PITPNA: variants seen among roughly 807,000 people sequenced by gnomAD.
PITPNA encodes the protein phosphatidylinositol transfer protein alpha.
PITPNA carries 13 observed loss-of-function variants against 50.3 expected under a neutral mutation model. The observed-to-expected ratio is 0.26, with a 90% CI of 0.17 to 0.41. The LOEUF is 0.41. Ranked by LOEUF, PITPNA falls within the 10% of genes least tolerant of loss-of-function variation. PITPNA has a pLI of 1.00. For synonymous variants in PITPNA, 120 were observed against 119.6 expected, an observed-to-expected ratio of 1.00 and a Z score of -0.02; for missense variants, 207 against 333.4, an observed-to-expected ratio of 0.62 and a Z score of 2.95.
rs549265109 is a variant in PITPNA at position 1,530,108 on chromosome 17, A to G, written c.768+3991T>C. ...TTAGCATACGTGATAGGCACACAGG[A>G]AGTCCTCAATAAATGTTAGCTTCTA... On this transcript the variant is annotated intron_variant, in intron 10 of 11. Transcript: ENST00000313486. Among the ~76,000 whole-genome samples the G allele has an allele frequency of 7.9e-5, 12 of 152,216 alleles. No homozygotes were observed. The South Asian group carries it at 2.1e-3, about 26-fold the overall frequency.
intron 2 of PITPNA, among the ~76,000 whole-genome samples, chr17:1,557,315 A>G (rs1384137627): frequency 6.6e-6 from 1 of 152,166 alleles, no homozygotes; most frequent in Non-Finnish European, 1.5e-5. Flanking sequence ...TGTCTCAACT[A>G]AATGTGCTGC....
At chr17:1,525,996 C>T (rs530421126) in intron 10 of PITPNA, among the ~76,000 whole-genome samples, 6 of 152,338 alleles carry the variant, frequency 3.9e-5, no homozygotes, top group Admixed American at 1.3e-4. Flanking sequence ...ACACCAGCAA[C>T]CAGATCTCAT....
At chr17:1,551,412 C>G (rs2075708630) in intron 3 of PITPNA, among the ~76,000 whole-genome samples, 1 of 151,950 alleles carries the variant, frequency 6.6e-6, no homozygotes. Flanking sequence ...CCACCTCAGC[C>G]TCCTGAGTAG....
In PITPNA at chr17:1,533,717, G is replaced by A. The variant is rs199957849; in HGVS notation, c.768+382C>T. 4.6e-5 allele frequency among the ~76,000 whole-genome samples: 7 copies of A among 152,336 alleles called. No homozygotes were observed. In the East Asian group the frequency reaches 1.3e-3, roughly 29 times the overall value. On this transcript the variant is annotated intron_variant, in intron 10 of 11. Transcript: ENST00000313486. The stretch of plus-strand genomic sequence containing the variant: ...CCTGCGTGCGCTGTGGCTGTCCTCT[G>A]TGGGTAATGTGCATGGTATTCACAG...
chr17:1,558,869 G>C (rs2075753940), intron 1 of PITPNA, among the ~76,000 whole-genome samples: 1 of 144,908 alleles, frequency 6.9e-6, no homozygotes, highest in Non-Finnish European at 1.5e-5. Context: ...CTGTGATTCA[G>C]TCCAAACCTA....
At chr17:1,541,976 G>C (rs1050719641) in intron 5 of PITPNA, among the ~76,000 whole-genome samples, 7 of 152,024 alleles carry the variant, frequency 4.6e-5, no homozygotes, top group African/African-American at 7.2e-5. Context: ...GAGGCGGGCG[G>C]ATCACTTGAG....
intron 10 of PITPNA, among the ~76,000 whole-genome samples, chr17:1,527,179 A>T (rs761699574): frequency 5.9e-5 from 9 of 152,240 alleles, no homozygotes; most frequent in Non-Finnish European, 1.2e-4. Flanking sequence ...TAGGCTATAC[A>T]TACACATATA....
intron 10 of PITPNA, among the ~76,000 whole-genome samples, chr17:1,530,801 C>T (rs565983486): frequency 1.3e-5 from 2 of 152,308 alleles, no homozygotes; most frequent in South Asian, 4.1e-4. Flanking sequence ...GGAAAAAGGA[C>T]AGAAGAGTCA....
chr17:1,522,071 C>CTTTTCTTT (rs751204255), intron 10 of PITPNA, among the ~76,000 whole-genome samples: 13 of 141,662 alleles, frequency 9.2e-5, no homozygotes, highest in Admixed American at 1.4e-4. Flanking sequence ...TATGAAACAT[C>CTTTTCTTT]TTTTTTTTTT....
At chr17:1,541,220 G>C (rs1293035296) in intron 6 of PITPNA, among the ~76,000 whole-genome samples, 1 of 152,016 alleles carries the variant, frequency 6.6e-6, no homozygotes, top group Non-Finnish European at 1.5e-5. Context: ...TAAATTCTTG[G>C]GCATGGAAAT....
intron 10 of PITPNA, among the ~76,000 whole-genome samples, chr17:1,523,788 C>T (rs1339980175): frequency 2.0e-5 from 3 of 151,848 alleles, no homozygotes; most frequent in South Asian, 2.1e-4. Context: ...GGATTACAGG[C>T]GTGAGCCACT....
chr17:1,524,910 T>A (rs569537899), intron 10 of PITPNA, among the ~76,000 whole-genome samples: 1 of 152,232 alleles, frequency 6.6e-6, no homozygotes, highest in African/African-American at 2.4e-5. Flanking sequence ...ACGTGGAGTA[T>A]GCACTGAGTA....
At chr17:1,536,621 T>A (rs1205519330) in intron 7 of PITPNA, among the ~76,000 whole-genome samples, 1 of 151,638 alleles carries the variant, frequency 6.6e-6, no homozygotes, top group Non-Finnish European at 1.5e-5. Context: ...TGAGACAGCA[T>A]CTCACTCTGT....
intron 1 of PITPNA, among the ~76,000 whole-genome samples, chr17:1,560,176 G>A (rs1221938923): frequency 1.3e-5 from 2 of 152,182 alleles, no homozygotes; most frequent in African/African-American, 2.4e-5. Flanking sequence ...GACGGGATGC[G>A]CTGAGGCTGC....
intron 11 of PITPNA, 51 bp from the exon 12 acceptor site, chr17:1,520,589 CTG>C (rs2075504612): frequency 6.8e-6 from 1 of 148,000 alleles, no homozygotes; most frequent in South Asian, 2.3e-4. Flanking sequence ...AACAGAAACA[CTG>C]TAAATCGTCC....
chr17:1,526,869 A>G (rs1457473361), intron 10 of PITPNA, among the ~76,000 whole-genome samples: 1 of 152,144 alleles, frequency 6.6e-6, no homozygotes, highest in African/African-American at 2.4e-5. Flanking sequence ...GGTTCAAGTG[A>G]TTCTCCTGTC....
chr17:1,531,877 A>T (rs1175831562), intron 10 of PITPNA, among the ~76,000 whole-genome samples: 1 of 152,076 alleles, frequency 6.6e-6, no homozygotes, highest in East Asian at 1.9e-4. Flanking sequence ...AAGCCACATC[A>T]AGCGTAGTCA....
At chr17:1,539,034 G>A in intron 6 of PITPNA, 82 bp from the exon 7 acceptor site, 2 of 789,830 alleles carry the variant, frequency 2.5e-6, no homozygotes, top group Non-Finnish European at 4.4e-6. Flanking sequence ...CCTAGGAACT[G>A]CCATTCCCAT....
At chr17:1,538,785 T>G (rs114204512) in intron 7 of PITPNA, 84 bp downstream of exon 7, 14 of 767,208 alleles carry the variant, frequency 1.8e-5, no homozygotes, top group Non-Finnish European at 2.7e-5. Context: ...TTGTGCCAAG[T>G]TGGGTATGGT....
Sources: allele counts gnomAD v4.1 joint callset (sites outside exome capture counted in the v4.1 genomes callset), GRCh38; gene constraint gnomAD v4.1.1; transcripts MANE v1.5; gene names NCBI Gene and HGNC (gene_info 2026-07-23, HGNC 2026-07-21).